The following PEAK1 variants were observed in gnomAD, a reference collection of about 807,000 sequenced individuals.
PEAK1 encodes pseudopodium enriched atypical kinase 1.
A neutral mutation model predicts 124.7 loss-of-function variants in PEAK1; 54 were observed. The ratio of observed to expected loss-of-function variants is 0.43; its 90% CI spans 0.35 to 0.54. The LOEUF is 0.54. PEAK1 is among the 20% of genes least tolerant of loss of function. PEAK1 has a pLI of 0.01. For missense variants in PEAK1, 2,046 were observed against 2,134.5 expected (o/e 0.96, Z 0.82); for synonymous variants, 719 against 760.0 (o/e 0.95, Z 0.89).
chr15:77,262,738 C>A (rs2061506949), intron 5 of PEAK1, among the ~76,000 whole-genome samples: 1 of 151,920 alleles, frequency 6.6e-6, no homozygotes, highest in African/African-American at 2.4e-5. Context: ...GAACTCAGCT[C>A]TGCACCAAGC....
chr15:77,335,007 G>A, intron 2 of PEAK1: 3 of 985,438 alleles, frequency 3.0e-6, no homozygotes, highest in Non-Finnish European at 3.6e-6. Context: ...TTTGAGGCAG[G>A]AGGGTTGGTA....
In PEAK1 at chr15:77,313,726, G is replaced by GTA. The variant is rs1555478191; in HGVS notation, c.-602-27224_-602-27223dup. Among the ~76,000 whole-genome samples, 145 of 108,592 alleles carry GTA rather than the reference G, an allele frequency of 1.3e-3. 2 individuals carry two copies. The highest frequency in any genetic ancestry group is 5.8e-3 in the South Asian group (20 of 3,452). 71.2% of individuals were successfully genotyped at this position (108,592 alleles called of 152,430 possible). A position where few individuals can be genotyped will look rare whatever the true frequency, so the allele number is the denominator to read the frequency against. The stretch of plus-strand genomic sequence containing the variant: ...TATATGTATGTGTGTGTGTGTGTGT[G>GTA]TATATATATATATATTTATTTATTT... On this transcript the variant is annotated intron_variant, in intron 2 of 9. Coordinates refer to ENST00000682557, the MANE Select transcript of PEAK1 (RefSeq NM_001385026.1).
chr15:77,169,545 T>C (rs1208737352), intron 7 of PEAK1, among the ~76,000 whole-genome samples: 1 of 152,168 alleles, frequency 6.6e-6, no homozygotes, highest in Non-Finnish European at 1.5e-5. Context: ...AAAATGGTAT[T>C]TGTCAAGAAG....
rs1156764992 is a variant in PEAK1, at chr15:77,109,759, G to A, written c.*4397C>T. ...TCCTGTTCACTCATTAGGCTGGAGC[G>A]GAATTTTCAATCCTTGTCAACTAGT... On this transcript the variant is annotated 3_prime_UTR_variant, in exon 10 of 10. Coordinates refer to ENST00000682557, the MANE Select transcript of PEAK1 (RefSeq NM_001385026.1). 3 of 152,138 alleles carry A rather than the reference G, an allele frequency of 2.0e-5. No homozygotes were observed. The highest frequency in any genetic ancestry group is 2.0e-4 in the Admixed American group (3 of 15,278). 9.4% of individuals were successfully genotyped at this position (152,138 alleles called of 1,614,324 possible). A position where few individuals can be genotyped will look rare whatever the true frequency, so the allele number is the denominator to read the frequency against.
In PEAK1 at chr15:77,138,457, T is replaced by C. The variant is rs372908844; in HGVS notation, c.3332-4707A>G. ...TTTTTCTCCAATAATAAATTAACCT[T>C]AGCTTACTTAACTTTTTAACTTTAT... On this transcript the variant is annotated intron_variant, in intron 8 of 9. Transcript: ENST00000682557. Among the ~76,000 whole-genome samples, 8 of 152,358 alleles carry C rather than the reference T, an allele frequency of 5.3e-5. No individual in the cohort carries two copies. The East Asian group carries it at 5.8e-4, about 11-fold the overall frequency.
chr15:77,337,207 A>C (rs2066256692), intron 2 of PEAK1: 1 of 984,878 alleles, frequency 1.0e-6, no homozygotes, highest in African/African-American at 1.7e-5. Context: ...AGAAGTCCAA[A>C]TAAACTCAGC....
chr15:77,324,389 G>A (rs1236625416), intron 2 of PEAK1, among the ~76,000 whole-genome samples: 4 of 152,128 alleles, frequency 2.6e-5, no homozygotes, highest in Non-Finnish European at 4.4e-5. Flanking sequence ...GCTAAGGCAC[G>A]AGAATCACTT....
intron 2 of PEAK1, among the ~76,000 whole-genome samples, chr15:77,293,343 T>A (rs1478836728): frequency 6.6e-6 from 1 of 152,254 alleles, no homozygotes; most frequent in Non-Finnish European, 1.5e-5. Flanking sequence ...TTTTGATATA[T>A]ATGTCCATTC....
intron 2 of PEAK1, among the ~76,000 whole-genome samples, chr15:77,287,693 G>T (rs2062998774): frequency 6.6e-6 from 1 of 152,110 alleles, no homozygotes. Flanking sequence ...TTTCACCTGA[G>T]CCTCAGACTC....
chr15:77,335,354 C>A, intron 2 of PEAK1: 2 of 985,318 alleles, frequency 2.0e-6, no homozygotes, highest in Non-Finnish European at 2.4e-6. Context: ...AGTGTTTTTC[C>A]CATTCATCTA....
At chr15:77,376,259 C>T (rs1031452400) in intron 1 of PEAK1, among the ~76,000 whole-genome samples, 1 of 152,034 alleles carries the variant, frequency 6.6e-6, no homozygotes, top group African/African-American at 2.4e-5. Context: ...AAGTTAATGA[C>T]TTGGCTAAAT....
At position 77,113,362 on chromosome 15, in the gene PEAK1, A is replaced by G. The variant is rs1457576065; in HGVS notation, c.*794T>C. On this transcript the variant is annotated 3_prime_UTR_variant, in exon 10 of 10. Coordinates refer to ENST00000682557, the MANE Select transcript of PEAK1 (RefSeq NM_001385026.1). The stretch of plus-strand genomic sequence containing the variant: ...CAGCTATTTATAAGCTCTGAACTGC[A>G]CTCCACCCTGCTGAGGCATTGGTGA... The G allele has an allele frequency of 2.6e-5, 4 of 152,242 alleles. No homozygotes were observed. The highest frequency in any genetic ancestry group is 4.8e-5 in the African/African-American group (2 of 41,426). The allele number at this position is 152,242 out of a possible 1,614,324, so 9.4% of individuals were successfully genotyped here.
chr15:77,153,938 G>C (rs2054888046), intron 8 of PEAK1, among the ~76,000 whole-genome samples: 1 of 152,110 alleles, frequency 6.6e-6, no homozygotes, highest in African/African-American at 2.4e-5. Flanking sequence ...GTGTGGTGTG[G>C]TGCTGAAAAA....
At chr15:77,362,497 C>T (rs962539664) in intron 2 of PEAK1, among the ~76,000 whole-genome samples, 11 of 152,220 alleles carry the variant, frequency 7.2e-5, no homozygotes, top group African/African-American at 2.4e-4. Flanking sequence ...ACAAAACAAA[C>T]CCAGACAATG....
chr15:77,205,280 A>ATTTTTT (rs1567112480), intron 6 of PEAK1, among the ~76,000 whole-genome samples: 1 of 151,336 alleles, frequency 6.6e-6, no homozygotes, highest in Admixed American at 6.6e-5. Flanking sequence ...TTTTTTAAAA[A>ATTTTTT]AAAAAAAAAA....
At chr15:77,176,942 T>C (rs1467069593) in intron 7 of PEAK1, among the ~76,000 whole-genome samples, 2 of 152,138 alleles carry the variant, frequency 1.3e-5, no homozygotes, top group Admixed American at 6.5e-5. Flanking sequence ...CTTTTCTAAA[T>C]AAATCAGGCA....
At chr15:77,101,163 G>A (rs1377006696) in exon 7 of PEAK1, 1 of 152,280 alleles carries the variant, frequency 6.6e-6, no homozygotes, top group East Asian at 1.9e-4. Flanking sequence ...AAAGGGTCCA[G>A]GTTGTGTAGG....
chr15:77,240,947 A>T (rs1026496496), intron 6 of PEAK1, among the ~76,000 whole-genome samples: 1 of 152,184 alleles, frequency 6.6e-6, no homozygotes, highest in African/African-American at 2.4e-5. Flanking sequence ...CATTCATTTT[A>T]TGAGATCTGC....
rs115486938 is a variant in PEAK1, at chr15:77,248,980, C to T, written c.-115+3387G>A. 4.5e-3 allele frequency among the ~76,000 whole-genome samples: 687 copies of T among 152,130 alleles called. 5 individuals are homozygous for T. The highest frequency in any genetic ancestry group is 0.016 in the African/African-American group (653 of 41,494). ...CTGTGCAGATGTGCACCACCACTTT[C>T]GGCTAAGTTTTGTATTTTTTTTGGT... On this transcript the variant is annotated intron_variant, in intron 6 of 9. Transcript: ENST00000682557.
Sources: gnomAD v4.1 joint callset for allele counts (sites outside exome capture counted in the v4.1 genomes callset) on GRCh38, gnomAD v4.1.1 for gene constraint, MANE v1.5 for transcripts, NCBI Gene and HGNC (gene_info 2026-07-23, HGNC 2026-07-21) for gene names.